The following ZNF726 variants were observed in gnomAD, a reference collection of about 807,000 sequenced individuals.
ZNF726 encodes zinc finger protein 726, also known as zinc finger protein 92 pseudogene 3.
A neutral mutation model predicts 11.6 loss-of-function variants in ZNF726; 15 were observed. The ratio of observed to expected loss-of-function variants is 1.29; its 90% CI spans 0.86 to 1.99. The LOEUF (loss-of-function observed/expected upper bound fraction) is 1.99, where lower values mean the gene tolerates loss of function less well. Among genes scored for constraint, ZNF726 ranks in the 30% most tolerant of loss-of-function variants. The pLI, the probability that ZNF726 is intolerant of heterozygous loss-of-function variation, is 0.00. For missense variants in ZNF726, 890 were observed against 725.6 expected (o/e 1.23, Z -2.60); for synonymous variants, 295 against 243.6 (o/e 1.21, Z -1.96).
At chr19:23,916,783 G>A (rs186864106) in intron 1 of ZNF726, among the ~76,000 whole-genome samples, 1 of 151,816 alleles carries the variant, frequency 6.6e-6, no homozygotes, top group East Asian at 1.9e-4. Context: ...AGATATCTTA[G>A]AATGTTTTTG....
intron 3 of ZNF726, chr19:23,921,170 C>T (rs1231688823): frequency 6.6e-6 from 1 of 152,166 alleles, no homozygotes; most frequent in Non-Finnish European, 1.5e-5. Context: ...GTGGTGGGCA[C>T]CTGTAATCCC....
downstream of ZNF726, among the ~76,000 whole-genome samples, chr19:23,937,735 G>A (rs552218502): frequency 7.9e-5 from 12 of 152,296 alleles, no homozygotes; most frequent in Admixed American, 3.9e-4. Flanking sequence ...TCACTTCCCA[G>A]ATGGGGTGGT....
Position 23,933,869 on chromosome 19 carries a change from A to G in ZNF726, c.1753A>G (p.Ile585Val), listed in dbSNP as rs764876414. ...NRSSNLSTHK[I>V]IHTGEKPYKC... ...ATCCTCAAATCTTAGTACGCATAAG[A>G]TAATTCATACTGGAGAGAAACCTTA... is the stretch of plus-strand genomic sequence containing the variant. Residue 585 changes from isoleucine (I) to valine (V), a missense_variant, in exon 4 of 4, where the codon ATA (isoleucine) becomes GTA (valine). Coordinates refer to ENST00000594466, the MANE Select transcript of ZNF726 (RefSeq NM_001244038.2). The G allele has an allele frequency of 6.3e-6, 10 of 1,591,824 alleles. No individual in the cohort carries two copies. Among genetic ancestry groups the G allele is most frequent in the South Asian group, 5.6e-5 (5 of 89,006 alleles).
At chr19:23,935,539 C>T, downstream of ZNF726, 1 of 354,704 alleles carries the variant, frequency 2.8e-6, no homozygotes, top group Non-Finnish European at 5.6e-6. Context: ...TGAAGAGAAA[C>T]TCTACAAATC....
At chr19:23,931,600 T>C (rs1968107202) in intron 3 of ZNF726, among the ~76,000 whole-genome samples, 1 of 152,196 alleles carries the variant, frequency 6.6e-6, no homozygotes, top group South Asian at 2.1e-4. Flanking sequence ...ATTAGAAAAA[T>C]CTACCTGTCA....
At chr19:23,938,987 T>C (rs1405158624), downstream of ZNF726, among the ~76,000 whole-genome samples, 1 of 152,108 alleles carries the variant, frequency 6.6e-6, no homozygotes, top group Non-Finnish European at 1.5e-5. Flanking sequence ...ATTTCATTGT[T>C]CCATTTATTG....
At chr19:23,927,451 G>A (rs1297717455) in intron 3 of ZNF726, among the ~76,000 whole-genome samples, 1 of 152,022 alleles carries the variant, frequency 6.6e-6, no homozygotes, top group Non-Finnish European at 1.5e-5. Flanking sequence ...CACAAAGTGT[G>A]TAATTTTGGT....
At chr19:23,941,176 T>C (rs1227314722) in intron 3 of ZNF726, among the ~76,000 whole-genome samples, 2 of 152,106 alleles carry the variant, frequency 1.3e-5, no homozygotes, top group African/African-American at 4.8e-5. Flanking sequence ...TTGCTGAGAG[T>C]TTTAATCATA....
At chr19:23,921,488 T>C (rs1024300412) in intron 3 of ZNF726, 1 of 152,172 alleles carries the variant, frequency 6.6e-6, no homozygotes, top group Non-Finnish European at 1.5e-5. Context: ...TTAGATAATA[T>C]GGCAGTTTCA....
chr19:23,930,462 ATATT>A (rs1968080189), intron 3 of ZNF726, among the ~76,000 whole-genome samples: 2 of 152,114 alleles, frequency 1.3e-5, no homozygotes, highest in Non-Finnish European at 2.9e-5. Context: ...TTTTTAGTAT[ATATT>A]ATAATTGTGC....
At chr19:23,915,818 G>A (rs1967685030) in intron 1 of ZNF726, among the ~76,000 whole-genome samples, 1 of 152,076 alleles carries the variant, frequency 6.6e-6, no homozygotes, top group Non-Finnish European at 1.5e-5. Context: ...CTGACCTCAG[G>A]TGATCCACCC....
intron 3 of ZNF726, among the ~76,000 whole-genome samples, chr19:23,943,048 G>C (rs994620898): frequency 1.1e-4 from 17 of 152,116 alleles, no homozygotes; most frequent in African/African-American, 4.1e-4. Context: ...GGGGAATGGA[G>C]TCGTGCTCTG....
chr19:23,943,431 A>ATGGTACT (rs1968368816), intron 3 of ZNF726: 1 of 480,768 alleles, frequency 2.1e-6, no homozygotes, highest in Non-Finnish European at 3.8e-6. Flanking sequence ...TCTACTGAAC[A>ATGGTACT]TGGTACTAGG....
chr19:23,935,567 G>T, downstream of ZNF726: 1 of 321,332 alleles, frequency 3.1e-6, no homozygotes, highest in Middle Eastern at 5.5e-4. Flanking sequence ...TGTGCCCAGT[G>T]CCTTTGACAG....
chr19:23,936,141 C>T (rs1050211949), downstream of ZNF726: 19 of 152,022 alleles, frequency 1.2e-4, no homozygotes, highest in Admixed American at 8.5e-4. Flanking sequence ...AACACCAAAG[C>T]GTTCATACTA....
chr19:23,937,458 A>G (rs970740679), downstream of ZNF726, among the ~76,000 whole-genome samples: 3 of 149,710 alleles, frequency 2.0e-5, no homozygotes, highest in Non-Finnish European at 4.4e-5. Flanking sequence ...GGGGCTCCTC[A>G]CTTCTCAGAC....
At chr19:23,937,985 T>C (rs989807406), downstream of ZNF726, among the ~76,000 whole-genome samples, 5 of 152,252 alleles carry the variant, frequency 3.3e-5, no homozygotes, top group African/African-American at 4.8e-5. Context: ...ATTTTTAACA[T>C]GTTAAATACT....
chr19:23,919,741 A>G (rs1967795486), intron 2 of ZNF726: 1 of 496,404 alleles, frequency 2.0e-6, no homozygotes, highest in Non-Finnish European at 3.2e-6. Flanking sequence ...GTGGCATAAA[A>G]TATTGTTATT....
intron 3 of ZNF726, among the ~76,000 whole-genome samples, chr19:23,924,391 A>G (rs1378151234): frequency 6.6e-6 from 1 of 152,004 alleles, no homozygotes; most frequent in Non-Finnish European, 1.5e-5. Context: ...ATCTTGTCTA[A>G]GTTAGTAGCC....
Sources: allele counts gnomAD v4.1 joint callset (sites outside exome capture counted in the v4.1 genomes callset), GRCh38; gene constraint gnomAD v4.1.1; transcripts MANE v1.5; gene names NCBI Gene and HGNC (gene_info 2026-07-23, HGNC 2026-07-21).